The following SLC1A1 variants were observed in gnomAD, a reference collection of about 807,000 sequenced individuals.
The protein encoded by SLC1A1 is solute carrier family 1 member 1.
SLC1A1 carries 43 observed loss-of-function variants against 53.3 expected under a neutral mutation model. The observed-to-expected ratio is 0.81, with a 90% CI of 0.63 to 1.04. The LOEUF is 1.04. Among genes scored for constraint, SLC1A1 ranks in the 50% least tolerant of loss-of-function variants. The pLI is 0.00. For synonymous variants in SLC1A1, 307 were observed against 243.2 expected (o/e 1.26, Z -2.44); for missense variants, 748 against 664.9 (o/e 1.12, Z -1.37).
chr9:4,567,521 T>C (rs1291171983), intron 5 of SLC1A1, 148 bp from the exon 6 acceptor site: 1 of 671,016 alleles, frequency 1.5e-6, no homozygotes, highest in Non-Finnish European at 2.7e-6. Flanking sequence ...GGAGGTACCG[T>C]TGACAACTGG....
At chr9:4,577,648 G>T (rs568501254) in intron 10 of SLC1A1, among the ~76,000 whole-genome samples, 9 of 152,060 alleles carry the variant, frequency 5.9e-5, no homozygotes, top group Admixed American at 2.0e-4. Flanking sequence ...GCTAATTTTT[G>T]AATTTTTAGT....
chr9:4,561,231 G>T (rs1236715432), intron 2 of SLC1A1, among the ~76,000 whole-genome samples: 1 of 152,176 alleles, frequency 6.6e-6, no homozygotes, highest in East Asian at 1.9e-4. Context: ...AAGGCTGTGG[G>T]AAGCTGCCTG....
chr9:4,495,190 C>A (rs1325156479), intron 1 of SLC1A1, among the ~76,000 whole-genome samples: 2 of 152,210 alleles, frequency 1.3e-5, no homozygotes, highest in African/African-American at 4.8e-5. Context: ...CCCCTGAGGA[C>A]AGGGCCCAGC....
At chr9:4,585,206 G>T in intron 11 of SLC1A1, 106 bp from the exon 12 acceptor site, 2 of 1,470,708 alleles carry the variant, frequency 1.4e-6, no homozygotes, top group South Asian at 2.3e-5. Context: ...AGCACTTTCT[G>T]CACTTACTGA....
chr9:4,537,895 T>A (rs868136115), intron 1 of SLC1A1, among the ~76,000 whole-genome samples: 1 of 152,118 alleles, frequency 6.6e-6, no homozygotes, highest in South Asian at 2.1e-4. Flanking sequence ...TTATATACTT[T>A]AAAATGGTAA....
At chr9:4,542,870 T>C (rs2130875557) in intron 1 of SLC1A1, among the ~76,000 whole-genome samples, 1 of 152,356 alleles carries the variant, frequency 6.6e-6, no homozygotes, top group Non-Finnish European at 1.5e-5. Flanking sequence ...GAGTTTTGTT[T>C]CATCTTTGTC....
intron 2 of SLC1A1, among the ~76,000 whole-genome samples, chr9:4,558,950 A>G (rs1818680869): frequency 6.6e-6 from 1 of 152,232 alleles, no homozygotes; most frequent in Admixed American, 6.5e-5. Flanking sequence ...TAATTATTAC[A>G]GTTATCAAAA....
chr9:4,560,128 C>T (rs1332090586), intron 2 of SLC1A1: 1 of 152,196 alleles, frequency 6.6e-6, no homozygotes, highest in African/African-American at 2.4e-5. Context: ...TTATTAATAT[C>T]TTTCCTTTTT....
chr9:4,523,074 G>T (rs1335583187), intron 1 of SLC1A1, among the ~76,000 whole-genome samples: 2 of 152,088 alleles, frequency 1.3e-5, no homozygotes, highest in Non-Finnish European at 2.9e-5. Flanking sequence ...ACTTTCCCCA[G>T]CCTCCTCCTC....
At chr9:4,565,942 A>G in intron 4 of SLC1A1, 105 bp from the exon 5 acceptor site, 2 of 899,546 alleles carry the variant, frequency 2.2e-6, no homozygotes, top group East Asian at 4.8e-5. Context: ...CAGAAGAGAA[A>G]CCAGAGTACT....
intron 6 of SLC1A1, among the ~76,000 whole-genome samples, chr9:4,568,609 T>G (rs768645774): frequency 6.6e-6 from 1 of 150,628 alleles, no homozygotes; most frequent in Admixed American, 6.6e-5. Context: ...TAGTCCCAGA[T>G]ACTTGAGAGG....
rs1563996160 is a variant in SLC1A1, at chr9:4,504,738, T to TA, written c.91+13973dup. On this transcript the variant is annotated intron_variant, in intron 1 of 11. Transcript: ENST00000262352. ...TATGGACAGTGCTCTTACTGGTTTT[T>TA]AAAAAGTTGATGTTTTCTTCTGTGT... Among the ~76,000 whole-genome samples, 7 of 152,350 alleles carry TA rather than the reference T, an allele frequency of 4.6e-5. No homozygotes were observed. The South Asian group carries it at 1.5e-3, about 32-fold the overall frequency.
intron 1 of SLC1A1, among the ~76,000 whole-genome samples, chr9:4,541,496 G>C (rs1817004654): frequency 6.6e-6 from 1 of 152,162 alleles, no homozygotes; most frequent in Non-Finnish European, 1.5e-5. Context: ...TGATAACCAT[G>C]AAGCCTTTGT....
rs12350574 is a variant in SLC1A1 at position 4,527,851 on chromosome 9, G to A, written c.92-16716G>A. Reference sequence around the variant, plus strand: ...AGTGGTAAGTCTTCTGAAAAGAAGTGGCATCTCAACTTGAACTTTAGAAAA... The same window carrying A: ...AGTGGTAAGTCTTCTGAAAAGAAGTAGCATCTCAACTTGAACTTTAGAAAA... On this transcript the variant is annotated intron_variant, in intron 1 of 11. Coordinates refer to ENST00000262352, the MANE Select transcript of SLC1A1 (RefSeq NM_004170.6). 1.8e-3 allele frequency among the ~76,000 whole-genome samples: 268 copies of A among 152,096 alleles called. 1 individual carries two copies. Among genetic ancestry groups the A allele is most frequent in the African/African-American group, 6.1e-3 (252 of 41,498 alleles).
At chr9:4,494,697 G>C (rs1335453795) in intron 1 of SLC1A1, among the ~76,000 whole-genome samples, 1 of 151,696 alleles carries the variant, frequency 6.6e-6, no homozygotes, top group Non-Finnish European at 1.5e-5. Flanking sequence ...TCTGAAGGAA[G>C]GTTTTATGCT....
chr9:4,578,653 G>A (rs1363342438), intron 10 of SLC1A1, among the ~76,000 whole-genome samples: 3 of 152,208 alleles, frequency 2.0e-5, no homozygotes, highest in Admixed American at 6.5e-5. Flanking sequence ...GAATTCTAGT[G>A]AAATGAGGAT....
intron 1 of SLC1A1, among the ~76,000 whole-genome samples, chr9:4,518,102 G>A (rs949535726): frequency 3.3e-5 from 5 of 151,620 alleles, no homozygotes; most frequent in African/African-American, 4.8e-5. Context: ...CAAGCATGGT[G>A]GTGGGTGCCT....
rs547481984 is a variant in SLC1A1 at position 4,587,035 on chromosome 9, T to C, written c.*1477T>C. 1.3e-5 allele frequency: 2 copies of C among 152,774 alleles called. No individual in the cohort carries two copies. Among genetic ancestry groups the C allele is most frequent in the South Asian group, 4.1e-4 (2 of 4,830 alleles). 9.5% of individuals were successfully genotyped at this position (152,774 alleles called of 1,614,324 possible). A position where few individuals can be genotyped will look rare whatever the true frequency, so the allele number is the denominator to read the frequency against. On this transcript the variant is annotated 3_prime_UTR_variant, in exon 12 of 12. Transcript: ENST00000262352. ...AAATAGTCATGTTTCTGCAGTATTCTGTAGCCAACTTAAACCTGTGCTTTC... is the reference window on the plus strand; with the variant it reads ...AAATAGTCATGTTTCTGCAGTATTCCGTAGCCAACTTAAACCTGTGCTTTC...
At chr9:4,516,470 C>T (rs1036247981) in intron 1 of SLC1A1, among the ~76,000 whole-genome samples, 4 of 152,038 alleles carry the variant, frequency 2.6e-5, no homozygotes, top group Non-Finnish European at 5.9e-5. Flanking sequence ...TGAAATAAAC[C>T]ACCCTTATCA....
Sources: allele counts gnomAD v4.1 joint callset (sites outside exome capture counted in the v4.1 genomes callset), GRCh38; gene constraint gnomAD v4.1.1; transcripts MANE v1.5; gene names NCBI Gene and HGNC (gene_info 2026-07-23, HGNC 2026-07-21).